The following D2HGDH variants were observed in gnomAD, a reference collection of about 807,000 sequenced individuals.
D2HGDH encodes D-2-hydroxyglutarate dehydrogenase, mitochondrial.
Under a neutral mutation model 46.9 loss-of-function variants are expected in D2HGDH, and 31 were observed. The ratio of observed to expected loss-of-function variants is 0.66; its 90% CI spans 0.50 to 0.89. The LOEUF (loss-of-function observed/expected upper bound fraction) is 0.89. D2HGDH is among the 40% of genes least tolerant of loss of function. The pLI is 0.00. For synonymous variants in D2HGDH, 364 were observed against 332.6 expected (o/e 1.09, Z -1.03); for missense variants, 698 against 720.8 (o/e 0.97, Z 0.36).
intron 2 of D2HGDH, among the ~76,000 whole-genome samples, chr2:241,737,022 G>T (rs1436573256): frequency 6.6e-6 from 1 of 152,064 alleles, no homozygotes; most frequent in Non-Finnish European, 1.5e-5. Context: ...AGGCTGGAGT[G>T]CAGTGGCGTG....
At chr2:241,757,785 T>C (rs1285723928) in intron 9 of D2HGDH, among the ~76,000 whole-genome samples, 1 of 152,032 alleles carries the variant, frequency 6.6e-6, no homozygotes, top group East Asian at 1.9e-4. Context: ...TGATGAAACC[T>C]CGCCTCTACT....
At chr2:241,762,522 G>A (rs557165417) in intron 9 of D2HGDH, among the ~76,000 whole-genome samples, 73 of 152,278 alleles carry the variant, frequency 4.8e-4, no homozygotes, top group African/African-American at 1.5e-3. Context: ...CTTGGGCTTT[G>A]GGGTCTTGCT....
chr2:241,749,237 C>A, intron 6 of D2HGDH: 1 of 1,169,948 alleles, frequency 8.5e-7, no homozygotes, highest in South Asian at 1.4e-5. Context: ...GCGTCTGCAG[C>A]CACACCCCGA....
At chr2:241,760,334 C>A (rs34038138) in intron 9 of D2HGDH, among the ~76,000 whole-genome samples, 1 of 106,422 alleles carries the variant, frequency 9.4e-6, no homozygotes, top group East Asian at 2.9e-4. Flanking sequence ...CAGTCGAAGG[C>A]CTTTGCTACA....
chr2:241,744,258 C>G (rs1206650451), intron 5 of D2HGDH, among the ~76,000 whole-genome samples: 1 of 152,246 alleles, frequency 6.6e-6, no homozygotes, highest in Non-Finnish European at 1.5e-5. Flanking sequence ...GAAGCAAACA[C>G]AAAACCATGC....
rs1699288629 is a variant in D2HGDH, at chr2:241,767,928, G to T, written c.1525G>T (p.Gly509Cys). 2.5e-6 allele frequency: 4 copies of T among 1,600,246 alleles called. No individual in the cohort carries two copies. The highest frequency in any genetic ancestry group is 1.1e-5 in the South Asian group (1 of 89,472). ...GCTCAAGGCCCTGCTGGACCCCAAG[G>T]GCATCCTCAACCCCTACAAGACGCT... is the stretch of plus-strand genomic sequence containing the variant. Reference protein sequence around the residue: ...QQLKALLDPKGILNPYKTLPS... With the variant: ...QQLKALLDPKCILNPYKTLPS... Residue 509 changes from glycine (G) to cysteine (C), a missense_variant, in exon 10 of 10, where the codon GGC (glycine) becomes TGC (cysteine). Coordinates refer to ENST00000321264, the MANE Select transcript of D2HGDH (RefSeq NM_152783.5).
intron 9 of D2HGDH, among the ~76,000 whole-genome samples, chr2:241,761,070 G>A (rs1354037367): frequency 6.6e-6 from 1 of 152,128 alleles, no homozygotes; most frequent in Non-Finnish European, 1.5e-5. Flanking sequence ...TTTGGCTGTC[G>A]TTTACCCCCC....
At chr2:241,763,093 C>T (rs1698976081) in intron 9 of D2HGDH, among the ~76,000 whole-genome samples, 1 of 152,222 alleles carries the variant, frequency 6.6e-6, no homozygotes, top group Non-Finnish European at 1.5e-5. Flanking sequence ...TCCACATTCT[C>T]AGCCTTTGGG....
intron 2 of D2HGDH, among the ~76,000 whole-genome samples, chr2:241,739,249 C>A (rs1693759393): frequency 6.6e-6 from 1 of 152,214 alleles, no homozygotes; most frequent in Admixed American, 6.5e-5. Flanking sequence ...CGCGGCCTGG[C>A]CTGCATTCTT....
rs1309075059 is a variant in D2HGDH at position 241,749,855 on chromosome 2, GC to G, written c.854-292del. On this transcript the variant is annotated intron_variant, in intron 6 of 9. Transcript: ENST00000321264. ...CTGGTGGTGACACCAGGCGTGCCCT[GC>G]CCCTCCTGATCTGATGCTGGTGGTG... 12 of 448,194 alleles carry G rather than the reference GC, an allele frequency of 2.7e-5. No individual in the cohort carries two copies. In the East Asian group the frequency reaches 5.5e-4, roughly 20 times the overall value. 27.8% of individuals were successfully genotyped at this position (448,194 alleles called of 1,614,324 possible).
intron 8 of D2HGDH, 105 bp from the exon 9 acceptor site, chr2:241,755,744 T>TCTGGGGCCTTTGCTGTCCTGGGTCA: frequency 6.2e-7 from 1 of 1,609,670 alleles, no homozygotes; most frequent in African/African-American, 1.3e-5. Flanking sequence ...CCTCACCTGG[T>TCTGGGGCCTTTGCTGTCCTGGGTCA]GAAGATACAG....
Position 241,750,244 on chromosome 2 carries a change from T to C in D2HGDH, c.947T>C (p.Val316Ala). The change falls in exon 7 of 10, where the codon GTG becomes GCG. Residue 316 changes from valine (V) to alanine (A), a missense_variant. Val to Ala is a moderately conservative substitution (Grantham distance 64). Transcript: ENST00000321264. ...ILSAFEFMDA[V>A]CMQLVGRHLH... ...TCTGCATTCGAGTTCATGGATGCTGTGTGCATGCAGCTGGTCGGGCGCCAT... is the reference window on the plus strand; with the variant it reads ...TCTGCATTCGAGTTCATGGATGCTGCGTGCATGCAGCTGGTCGGGCGCCAT... 1 of 1,614,018 alleles carries C rather than the reference T, an allele frequency of 6.2e-7. No homozygotes were observed. The highest frequency in any genetic ancestry group is 8.5e-7 in the Non-Finnish European group (1 of 1,180,030).
rs369324431 is a variant in D2HGDH at position 241,767,824 on chromosome 2, C to T, written c.1421C>T (p.Ala474Val). The T allele has an allele frequency of 6.1e-5, 99 of 1,612,402 alleles. No homozygotes were observed. Among genetic ancestry groups the T allele is most frequent in the Non-Finnish European group, 7.5e-5 (89 of 1,179,520 alleles). The change falls in exon 10 of 10, where the codon GCG (alanine) becomes GTG (valine). Residue 474 changes from alanine (A) to valine (V), a missense_variant. Coordinates refer to ENST00000321264, the MANE Select transcript of D2HGDH (RefSeq NM_152783.5). ...WTAGQQGSVS[A>V]EHGVGFRKRD... is the part of the protein sequence containing the mutation. ...GCCGGGCAGCAGGGCAGCGTCAGCG[C>T]GGAGCACGGAGTGGGCTTCAGGAAG...
chr2:241,752,515 G>A (rs543574123), intron 8 of D2HGDH, among the ~76,000 whole-genome samples: 5 of 152,192 alleles, frequency 3.3e-5, no homozygotes, highest in Non-Finnish European at 4.4e-5. Context: ...CCTCCCTCGC[G>A]TTCCGTGTGG....
At chr2:241,737,589 A>G (rs181276093) in intron 2 of D2HGDH, among the ~76,000 whole-genome samples, 84 of 152,252 alleles carry the variant, frequency 5.5e-4, no homozygotes, top group Middle Eastern at 3.4e-3. Flanking sequence ...TCCTGGGGTC[A>G]AGCGATTTTC....
intron 6 of D2HGDH, among the ~76,000 whole-genome samples, chr2:241,745,873 A>G (rs1695725946): frequency 6.6e-6 from 1 of 152,106 alleles, no homozygotes; most frequent in Non-Finnish European, 1.5e-5. Context: ...TCCCGGTGGA[A>G]ACGCTGACCC....
In D2HGDH at chr2:241,767,695, C is replaced by T. The variant is rs111836685; in HGVS notation, c.1307-15C>T. ...TGCCCTGCCCAGCCTGACCCATGTG[C>T]CCTTGTCCCTCCAGGAGATGGTAAC... On this transcript the variant is annotated splice_polypyrimidine_tract_variant and intron_variant, in intron 9 of 9. Coordinates refer to ENST00000321264, the MANE Select transcript of D2HGDH (RefSeq NM_152783.5). The T allele has an allele frequency of 5.4e-4, 863 of 1,612,502 alleles. 4 individuals are homozygous for T. In the African/African-American group the frequency reaches 0.01, roughly 19 times the overall value.
intron 3 of D2HGDH, 119 bp downstream of exon 3, chr2:241,741,209 G>A: frequency 3.4e-6 from 3 of 872,034 alleles, no homozygotes; most frequent in Non-Finnish European, 5.6e-6. Context: ...ATCTTGGTTT[G>A]TGTGTCTCAG....
chr2:241,741,070 G>A lies in D2HGDH; in HGVS notation c.330G>A (p.Glu110=). The A allele has an allele frequency of 6.2e-7, 1 of 1,614,054 alleles. No homozygotes were observed. The highest frequency in any genetic ancestry group is 8.5e-7 in the Non-Finnish European group (1 of 1,180,016). The change falls in exon 3 of 10, where the codon GAG becomes GAA. Residue 110 remains glutamate (E), a synonymous_variant. Coordinates refer to ENST00000321264, the MANE Select transcript of D2HGDH (RefSeq NM_152783.5). The part of the protein sequence containing the change: ...SKVLLRPRTS[E]EVSHILRHCH... ...TGCTGCTGAGGCCACGGACGTCGGAGGAGGTGTCCCACATCCTCAGGTGAG... is the reference window on the plus strand; with the variant it reads ...TGCTGCTGAGGCCACGGACGTCGGAAGAGGTGTCCCACATCCTCAGGTGAG...
Sources: allele counts gnomAD v4.1 joint callset (sites outside exome capture counted in the v4.1 genomes callset), GRCh38; gene constraint gnomAD v4.1.1; transcripts MANE v1.5; gene names NCBI Gene and HGNC (gene_info 2026-07-23, HGNC 2026-07-21).